Variants in ACER2 observed in about 807,000 individuals in gnomAD.
ACER2 encodes alkCDase 2.
A neutral mutation model predicts 34.7 loss-of-function variants in ACER2; 26 were observed. That is an observed-to-expected ratio of 0.75 (90% CI 0.55 to 1.04). The LOEUF (loss-of-function observed/expected upper bound fraction) is 1.04. ACER2 is among the 50% of genes least tolerant of loss of function. ACER2 has a pLI of 0.00. For missense variants in ACER2, 352 were observed against 340.8 expected (o/e 1.03, Z -0.26); for synonymous variants, 138 against 132.1 (o/e 1.04, Z -0.31).
At chr9:19,412,803 G>A (rs1430955584) in intron 1 of ACER2, among the ~76,000 whole-genome samples, 1 of 151,928 alleles carries the variant, frequency 6.6e-6, no homozygotes, top group Non-Finnish European at 1.5e-5. Flanking sequence ...CTCATATAGT[G>A]CTCTCTTCCT....
intron 1 of ACER2, among the ~76,000 whole-genome samples, chr9:19,410,702 A>C (rs541698148): frequency 6.6e-6 from 1 of 152,290 alleles, no homozygotes; most frequent in East Asian, 1.9e-4. Flanking sequence ...AGGGTCTCAA[A>C]GAAAACCTGG....
chr9:19,424,739 TG>T lies in ACER2; in HGVS notation c.266del (p.Gly89ValfsTer13), dbSNP rs1563877764. 1 of 1,614,142 alleles carries T rather than the reference TG, an allele frequency of 6.2e-7. No individual in the cohort carries two copies. Among genetic ancestry groups the T allele is most frequent in the East Asian group, 2.2e-5 (1 of 44,876 alleles). On this transcript the variant is annotated frameshift_variant, in exon 3 of 6. Coordinates refer to ENST00000340967, the MANE Select transcript of ACER2 (RefSeq NM_001010887.3). LOFTEE classifies it high-confidence loss of function. ...TACTTCCATGCAACCCTTAGTTTCT[TG>T]GGTCAGATGCTTGATGAACTTGCAG... ...SVYFHATLSF[L>X]GQMLDELAVL...
chr9:19,434,838 T>G, intron 3 of ACER2, 109 bp from the exon 4 acceptor site: 1 of 1,431,134 alleles, frequency 7.0e-7, no homozygotes, highest in South Asian at 1.3e-5. Context: ...AGCGCAGAAT[T>G]TCTTTTCAGC....
At position 19,426,650 on chromosome 9, in the gene ACER2, A is replaced by G. The variant is rs185031084; in HGVS notation, c.365+1809A>G. Among the ~76,000 whole-genome samples, 27 of 152,280 alleles carry G rather than the reference A, an allele frequency of 1.8e-4. No homozygotes were observed. In the East Asian group the frequency reaches 4.8e-3, roughly 27 times the overall value. ...AGGGACAGTTTTTAATGTATTCCTT[A>G]TAGAAAACCTTTTTTTTCTTTTCTT... On this transcript the variant is annotated intron_variant, in intron 3 of 5. Coordinates refer to ENST00000340967, the MANE Select transcript of ACER2 (RefSeq NM_001010887.3).
At chr9:19,420,737 A>G (rs2132470061) in intron 1 of ACER2, among the ~76,000 whole-genome samples, 1 of 152,316 alleles carries the variant, frequency 6.6e-6, no homozygotes, top group Admixed American at 6.5e-5. Flanking sequence ...TTACAGTTCT[A>G]GAGGCTGGAA....
chr9:19,436,634 A>G (rs1025169972), intron 4 of ACER2, among the ~76,000 whole-genome samples: 4 of 152,136 alleles, frequency 2.6e-5, no homozygotes. Flanking sequence ...TTAGGAATGT[A>G]TTGTAGTCCT....
Position 19,409,205 on chromosome 9 carries a change from G to A in ACER2, c.108+13G>A, listed in dbSNP as rs1341191983. ...GTTCTACAACACGGTGCGGGGCGCGGGAGCGGGGAAGGCAGGCGGGCCAGC... is the reference window on the plus strand; with the variant it reads ...GTTCTACAACACGGTGCGGGGCGCGAGAGCGGGGAAGGCAGGCGGGCCAGC... On this transcript the variant is annotated intron_variant, in intron 1 of 5. Coordinates refer to ENST00000340967, the MANE Select transcript of ACER2 (RefSeq NM_001010887.3). 1.1e-5 allele frequency: 18 copies of A among 1,571,190 alleles called. No homozygotes were observed. The highest frequency in any genetic ancestry group is 1.6e-5 in the Non-Finnish European group (18 of 1,158,430).
chr9:19,440,738 G>T (rs780792026), intron 4 of ACER2, among the ~76,000 whole-genome samples: 1 of 152,170 alleles, frequency 6.6e-6, no homozygotes, highest in East Asian at 1.9e-4. Flanking sequence ...CTCTACTTCT[G>T]TGGCTTTAAT....
chr9:19,428,692 G>T (rs777230145), intron 3 of ACER2, among the ~76,000 whole-genome samples: 1 of 149,600 alleles, frequency 6.7e-6, no homozygotes, highest in African/African-American at 2.5e-5. Flanking sequence ...GGAAAATTAC[G>T]TAAGGCCTAT....
chr9:19,435,126 C>G, intron 4 of ACER2, 42 bp downstream of exon 4: 1 of 1,609,576 alleles, frequency 6.2e-7, no homozygotes, highest in Non-Finnish European at 8.5e-7. Context: ...TGTCCCCGTG[C>G]TGGGAACACA....
intron 3 of ACER2, among the ~76,000 whole-genome samples, chr9:19,432,662 C>T (rs1372784593): frequency 6.8e-6 from 1 of 146,860 alleles, no homozygotes; most frequent in Non-Finnish European, 1.5e-5. Context: ...ATACTTATAA[C>T]CATATAGTTA....
intron 3 of ACER2, among the ~76,000 whole-genome samples, chr9:19,425,949 G>C (rs1205923303): frequency 2.0e-5 from 3 of 152,228 alleles, no homozygotes; most frequent in Non-Finnish European, 4.4e-5. Flanking sequence ...AACAGGAGCT[G>C]TGAAGCTGCT....
intron 3 of ACER2, 150 bp from the exon 4 acceptor site, chr9:19,434,797 G>C (rs1033328177): frequency 5.3e-6 from 5 of 943,508 alleles, no homozygotes; most frequent in Non-Finnish European, 6.4e-6. Flanking sequence ...TCGCTCTGTC[G>C]CCGTGAGTGG....
intron 3 of ACER2, among the ~76,000 whole-genome samples, chr9:19,426,887 T>C (rs772925933): frequency 1.4e-4 from 22 of 151,960 alleles, no homozygotes; most frequent in Admixed American, 3.9e-4. Context: ...ATTAAAAAAA[T>C]AGAAAAAAAA....
chr9:19,409,237 G>C, intron 1 of ACER2, 45 bp downstream of exon 1: 1 of 1,530,902 alleles, frequency 6.5e-7, no homozygotes, highest in Non-Finnish European at 8.9e-7. Flanking sequence ...CAGCGGGAGG[G>C]GGCTGTTCCC....
intron 4 of ACER2, among the ~76,000 whole-genome samples, chr9:19,444,270 G>T (rs1165194128): frequency 2.7e-5 from 4 of 149,230 alleles, no homozygotes; most frequent in Non-Finnish European, 5.9e-5. Context: ...GGAGTGCAGT[G>T]GCGCGATCTC....
At chr9:19,424,972 T>C in intron 3 of ACER2, 131 bp downstream of exon 3, 1 of 1,176,592 alleles carries the variant, frequency 8.5e-7, no homozygotes, top group Non-Finnish European at 1.2e-6. Context: ...TTGTTCAATA[T>C]CTACTGATTG....
chr9:19,424,819 C>T lies in ACER2; in HGVS notation c.343C>T (p.Pro115Ser). The T allele has an allele frequency of 6.2e-7, 1 of 1,614,094 alleles. No homozygotes were observed. Among genetic ancestry groups the T allele is most frequent in the Non-Finnish European group, 8.5e-7 (1 of 1,180,016 alleles). Residue 115 changes from proline (P) to serine (S), a missense_variant, in exon 3 of 6, where the codon CCA becomes TCA. By Grantham distance (74) the Pro-to-Ser change is moderately conservative (BLOSUM62 -1). Transcript: ENST00000340967. ...CATGTGGTTCCCCAGAAGGTATCTA[C>T]CAAAGATCTTTCGGAATGACCGGTA... ...LAMWFPRRYL[P>S]KIFRNDRGRF...
At chr9:19,449,391 A>C (rs1010588299) in intron 5 of ACER2, among the ~76,000 whole-genome samples, 5 of 152,126 alleles carry the variant, frequency 3.3e-5, no homozygotes, top group African/African-American at 1.2e-4. Flanking sequence ...GTATGTAGGG[A>C]TTTAAACTTT....
Sources: allele counts gnomAD v4.1 joint callset (sites outside exome capture counted in the v4.1 genomes callset), GRCh38; gene constraint gnomAD v4.1.1; transcripts MANE v1.5; gene names NCBI Gene and HGNC (gene_info 2026-07-23, HGNC 2026-07-21).